TANC1: variants seen among roughly 807,000 people sequenced by gnomAD.
TANC1 encodes the protein protein TANC1.
In TANC1, 77 loss-of-function variants were observed where a neutral mutation model predicts 149.7. The observed-to-expected ratio is 0.51, with a 90% CI of 0.43 to 0.62. The LOEUF is 0.62. TANC1 is among the 20% of genes least tolerant of loss of function. TANC1 has a pLI of 0.00. For synonymous variants in TANC1, 854 were observed against 925.0 expected (o/e 0.92, Z 1.39); for missense variants, 1,985 against 2,321.8 (o/e 0.85, Z 2.98).
intron 5 of TANC1, 39 bp downstream of exon 5, chr2:159,136,337 A>T (rs192339924): frequency 7.2e-6 from 8 of 1,109,864 alleles, no homozygotes; most frequent in Non-Finnish European, 1.1e-5. Context: ...TCTACCAAAG[A>T]TTTTATACAA....
intron 19 of TANC1, among the ~76,000 whole-genome samples, chr2:159,205,979 A>G (rs977191025): frequency 6.6e-6 from 1 of 152,232 alleles, no homozygotes; most frequent in Non-Finnish European, 1.5e-5. Flanking sequence ...TCTCACCAGT[A>G]CTGGTTTTGG....
intron 3 of TANC1, among the ~76,000 whole-genome samples, chr2:159,079,295 AAC>A (rs1352703864): frequency 1.3e-5 from 2 of 150,048 alleles, no homozygotes; most frequent in African/African-American, 4.9e-5. Flanking sequence ...CATCCCTAGT[AAC>A]TGGGATTACA....
chr2:159,151,509 T>C (rs1339021180), intron 7 of TANC1, among the ~76,000 whole-genome samples: 1 of 152,276 alleles, frequency 6.6e-6, no homozygotes. Context: ...GGATAGTTTA[T>C]GCTTTATTGT....
intron 19 of TANC1, among the ~76,000 whole-genome samples, chr2:159,210,200 G>A (rs2058889889): frequency 6.6e-6 from 1 of 152,100 alleles, no homozygotes; most frequent in Non-Finnish European, 1.5e-5. Context: ...GTCTGCCAGC[G>A]GGAAGCAGCT....
rs554166165 is a variant in TANC1 at position 159,188,182 on chromosome 2, A to C, written c.2742+1158A>C. ...TTTCTTTTATCTTTCAAGGGGGGAAAACGGTTTTCACAGGATCTTGAACAA... is the reference window on the plus strand; with the variant it reads ...TTTCTTTTATCTTTCAAGGGGGGAACACGGTTTTCACAGGATCTTGAACAA... On this transcript the variant is annotated intron_variant, in intron 16 of 26. Transcript: ENST00000263635. 5.3e-5 allele frequency among the ~76,000 whole-genome samples: 8 copies of C among 152,340 alleles called. No homozygotes were observed. In the South Asian group the frequency reaches 1.0e-3, roughly 20 times the overall value.
At chr2:159,159,353 C>A (rs1162104997) in intron 7 of TANC1, among the ~76,000 whole-genome samples, 2 of 150,460 alleles carry the variant, frequency 1.3e-5, no homozygotes, top group Non-Finnish European at 3.0e-5. Context: ...GTGGGAGGAT[C>A]GCTTGAGCCT....
At chr2:158,993,272 G>C (rs2035843794) in intron 1 of TANC1, among the ~76,000 whole-genome samples, 1 of 152,104 alleles carries the variant, frequency 6.6e-6, no homozygotes, top group African/African-American at 2.4e-5. Flanking sequence ...GTTCTGTTTT[G>C]TTTGTTTTGG....
chr2:158,971,139 G>T (rs1193267303), intron 1 of TANC1, among the ~76,000 whole-genome samples: 1 of 152,206 alleles, frequency 6.6e-6, no homozygotes, highest in Non-Finnish European at 1.5e-5. Flanking sequence ...AGACAATGGA[G>T]TTGTCTGGAT....
At chr2:159,171,705 A>C (rs2055230819) in intron 10 of TANC1, among the ~76,000 whole-genome samples, 1 of 151,874 alleles carries the variant, frequency 6.6e-6, no homozygotes, top group South Asian at 2.1e-4. Flanking sequence ...GAAAATACAA[A>C]AATTAGCTGG....
At chr2:159,219,938 C>A in intron 22 of TANC1, 71 bp downstream of exon 22, 2 of 1,490,378 alleles carry the variant, frequency 1.3e-6, no homozygotes, top group Admixed American at 1.8e-5. Context: ...ACAGCTCAAT[C>A]CAGGGCCTGC....
intron 4 of TANC1, among the ~76,000 whole-genome samples, chr2:159,114,770 AG>A (rs1411368970): frequency 6.6e-5 from 10 of 152,156 alleles, no homozygotes; most frequent in African/African-American, 1.9e-4. Flanking sequence ...TCATCTCAAG[AG>A]CTCTTACTCC....
In TANC1 at chr2:159,150,518, C is replaced by G. The variant is rs1476376876; in HGVS notation, c.644C>G (p.Pro215Arg). 6.2e-7 allele frequency: 1 copy of G among 1,614,098 alleles called. No homozygotes were observed. The highest frequency in any genetic ancestry group is 1.1e-5 in the South Asian group (1 of 91,074). Residue 215 changes from proline to arginine, a missense_variant, in exon 7 of 27, where the codon CCT (proline) becomes CGT (arginine). This residue lies in a region of TANC1 where 557 missense variants were observed against 612.9 expected (regional missense o/e 0.91). Coordinates refer to ENST00000263635, the MANE Select transcript of TANC1 (RefSeq NM_033394.3). ...NKSPCETISS[P>R]SSTLESKDSG... ...AGTCCCTGTGAGACCATTAGCAGCC[C>G]TAGTTCCACCCTGGAAAGCAAGGAC...
chr2:158,979,123 A>T (rs762949829), intron 1 of TANC1, among the ~76,000 whole-genome samples: 1 of 152,166 alleles, frequency 6.6e-6, no homozygotes, highest in Non-Finnish European at 1.5e-5. Flanking sequence ...CTGTGGAGTA[A>T]GTAGAATTCA....
intron 17 of TANC1, among the ~76,000 whole-genome samples, chr2:159,195,595 T>C (rs900467842): frequency 6.6e-6 from 1 of 152,258 alleles, no homozygotes. Context: ...ATTAGGCTTA[T>C]AACAGCTGTG....
At chr2:159,121,795 C>G (rs545183053) in intron 4 of TANC1, among the ~76,000 whole-genome samples, 1 of 152,152 alleles carries the variant, frequency 6.6e-6, no homozygotes, top group Non-Finnish European at 1.5e-5. Context: ...ATTTACAGAC[C>G]TGTAAACTAG....
chr2:159,079,355 T>G (rs1202807613), intron 3 of TANC1, among the ~76,000 whole-genome samples: 1 of 149,414 alleles, frequency 6.7e-6, no homozygotes, highest in Non-Finnish European at 1.5e-5. Context: ...TCTTTTTTTT[T>G]TTTTTTTTTT....
intron 1 of TANC1, among the ~76,000 whole-genome samples, chr2:158,978,095 A>G (rs1573922686): frequency 1.3e-5 from 2 of 152,258 alleles, no homozygotes; most frequent in East Asian, 3.9e-4. Context: ...TTGTTCGCCT[A>G]TTGGCTTTGC....
chr2:159,056,736 C>T, intron 2 of TANC1: 2 of 287,596 alleles, frequency 7.0e-6, no homozygotes, highest in South Asian at 4.5e-5. Context: ...CATGTGCTTG[C>T]CAGCAGTGTA....
chr2:159,092,288 G>A (rs149267202), intron 3 of TANC1, among the ~76,000 whole-genome samples: 412 of 152,182 alleles, frequency 2.7e-3, no homozygotes, highest in African/African-American at 9.5e-3. Flanking sequence ...CCTGAAATAT[G>A]CTTTTACTTT....
Sources: gnomAD v4.1 joint callset for allele counts (sites outside exome capture counted in the v4.1 genomes callset) on GRCh38, gnomAD v4.1.1 for gene constraint, gnomAD v4.1.1 regional missense constraint, MANE v1.5 for transcripts, NCBI Gene and HGNC (gene_info 2026-07-23, HGNC 2026-07-21) for gene names.